PARP9: variants seen among roughly 807,000 people sequenced by gnomAD.
PARP9 encodes protein mono-ADP-ribosyltransferase PARP9.
PARP9 carries 48 observed loss-of-function variants against 68.8 expected under a neutral mutation model. The observed-to-expected ratio is 0.70, with a 90% CI of 0.55 to 0.89. The LOEUF (loss-of-function observed/expected upper bound fraction) is 0.89. Ranked by LOEUF, PARP9 falls within the 40% of genes least tolerant of loss-of-function variation. PARP9 has a pLI of 0.00. For synonymous variants in PARP9, 309 were observed against 333.8 expected, an observed-to-expected ratio of 0.93 and a Z score of 0.81; for missense variants, 806 against 969.3, an observed-to-expected ratio of 0.83 and a Z score of 2.24.
In PARP9 at chr3:122,528,283, C is replaced by T. The variant is rs983950700; in HGVS notation, c.*81G>A. ...GATAACCCATGGGATATATTCAAGC[C>T]ACTCTTTGAGCCATCGATGGTCATT... On this transcript the variant is annotated 3_prime_UTR_variant, in exon 11 of 11. Transcript: ENST00000682323. 3.3e-6 allele frequency: 5 copies of T among 1,520,138 alleles called. No homozygotes were observed. Among genetic ancestry groups the T allele is most frequent in the Non-Finnish European group, 4.4e-6 (5 of 1,123,880 alleles). The allele number at this position is 1,520,138 out of a possible 1,614,324, so 94.2% of individuals were successfully genotyped here.
rs915550043 is a variant in PARP9 at position 122,554,784 on chromosome 3, C to T, written c.885+502G>A. On this transcript the variant is annotated intron_variant, in intron 4 of 10. Coordinates refer to ENST00000682323, the MANE Select transcript of PARP9 (RefSeq NM_001146105.2). The stretch of plus-strand genomic sequence containing the variant: ...TCAAAGTCTTGCTCTGTTGCCCTGG[C>T]AGGAATCACTGCAGCCTTGAACTCA... 2.0e-5 allele frequency among the ~76,000 whole-genome samples: 3 copies of T among 152,106 alleles called. 1 individual carries two copies. The highest frequency in any genetic ancestry group is 4.4e-5 in the Non-Finnish European group (3 of 68,012).
chr3:122,557,284 T>C (rs2079777281), intron 3 of PARP9, among the ~76,000 whole-genome samples: 1 of 151,158 alleles, frequency 6.6e-6, no homozygotes, highest in South Asian at 2.1e-4. Flanking sequence ...GGCAGTTCCC[T>C]GGTGAGGAGG....
At chr3:122,538,659 C>CAT (rs1491092405) in intron 8 of PARP9, among the ~76,000 whole-genome samples, 122 of 18,484 alleles carry the variant, frequency 6.6e-3, no homozygotes, top group African/African-American at 0.015. Flanking sequence ...AAAGCAATGC[C>CAT]ACACACACAC....
intron 6 of PARP9, among the ~76,000 whole-genome samples, chr3:122,547,013 TACACACACACAC>T (rs1383480849): frequency 3.3e-5 from 2 of 61,400 alleles, no homozygotes; most frequent in Admixed American, 3.4e-4. Context: ...TATATATATA[TACACACACACAC>T]ATACACACAC....
chr3:122,546,817 C>T (rs1184890700), intron 6 of PARP9, among the ~76,000 whole-genome samples: 1 of 151,396 alleles, frequency 6.6e-6, no homozygotes. Context: ...CTTGGTTTGG[C>T]CATGTAACTA....
intron 1 of PARP9, among the ~76,000 whole-genome samples, chr3:122,560,310 G>T (rs925719906): frequency 6.6e-6 from 1 of 152,200 alleles, no homozygotes; most frequent in African/African-American, 2.4e-5. Flanking sequence ...GAAGACTGAT[G>T]ATGAAAATGC....
intron 5 of PARP9, 39 bp downstream of exon 5, chr3:122,552,379 C>T (rs765339822): frequency 3.5e-6 from 5 of 1,431,832 alleles, no homozygotes; most frequent in Admixed American, 1.7e-5. Context: ...ACTGTATAGA[C>T]TATGGAGCTA....
intron 4 of PARP9, among the ~76,000 whole-genome samples, chr3:122,553,993 T>C (rs1576429848): frequency 6.6e-6 from 1 of 152,046 alleles, no homozygotes; most frequent in Non-Finnish European, 1.5e-5. Context: ...CCTGACTCCT[T>C]CCCCTTCCCT....
intron 1 of PARP9, among the ~76,000 whole-genome samples, chr3:122,563,134 T>C (rs2080382965): frequency 6.6e-6 from 1 of 152,202 alleles, no homozygotes; most frequent in Admixed American, 6.5e-5. Flanking sequence ...CACACGGTTG[T>C]CAGCACCATA....
intron 7 of PARP9, among the ~76,000 whole-genome samples, chr3:122,542,256 A>G (rs1576400726): frequency 1.2e-5 from 1 of 81,080 alleles, no homozygotes; most frequent in South Asian, 3.9e-4. Context: ...TTCTACTACT[A>G]CTTTTTTTTT....
At chr3:122,559,826 C>T (rs2080033558) in intron 1 of PARP9, 117 bp from the exon 2 acceptor site, 1 of 436,526 alleles carries the variant, frequency 2.3e-6, no homozygotes, top group Admixed American at 4.3e-5. Flanking sequence ...TCTTAATTTC[C>T]TTGATAACGA....
intron 10 of PARP9, chr3:122,533,706 A>G: frequency 1.0e-6 from 1 of 985,434 alleles, no homozygotes; most frequent in South Asian, 4.7e-5. Flanking sequence ...CCAGTAAGAA[A>G]CTGCATGTGT....
intron 9 of PARP9, 103 bp downstream of exon 9, chr3:122,536,831 A>G: frequency 7.4e-7 from 1 of 1,352,918 alleles, no homozygotes; most frequent in Non-Finnish European, 1.0e-6. Flanking sequence ...CAAGTCCATG[A>G]GCAGCCAGCT....
intron 7 of PARP9, among the ~76,000 whole-genome samples, chr3:122,544,588 A>G (rs1031431228): frequency 2.0e-5 from 3 of 152,168 alleles, no homozygotes; most frequent in Non-Finnish European, 4.4e-5. Flanking sequence ...AGGTGGAGGC[A>G]GGCAGATCAC....
chr3:122,546,211 G>A (rs183981455), intron 6 of PARP9, among the ~76,000 whole-genome samples: 85 of 152,298 alleles, frequency 5.6e-4, no homozygotes, highest in African/African-American at 2.0e-3. Context: ...CTTTATTGAT[G>A]GTGCAGAAGT....
chr3:122,557,242 G>A (rs1388051872), intron 3 of PARP9, among the ~76,000 whole-genome samples: 1 of 152,102 alleles, frequency 6.6e-6, no homozygotes, highest in Non-Finnish European at 1.5e-5. Context: ...CACCATGCCT[G>A]GCCTACCCAA....
chr3:122,540,432 G>A, intron 8 of PARP9, 40 bp downstream of exon 8: 4 of 1,600,530 alleles, frequency 2.5e-6, no homozygotes, highest in Non-Finnish European at 3.4e-6. Context: ...AAGAAACAAT[G>A]GGGAGAATTT....
chr3:122,563,616 C>T (rs1441473855), intron 1 of PARP9, among the ~76,000 whole-genome samples: 1 of 152,120 alleles, frequency 6.6e-6, no homozygotes, highest in Non-Finnish European at 1.5e-5. Context: ...CCTCCTTCAT[C>T]CCCTCACCCA....
chr3:122,545,115 G>C (rs2078597696), intron 7 of PARP9, among the ~76,000 whole-genome samples: 2 of 152,164 alleles, frequency 1.3e-5, no homozygotes, highest in South Asian at 4.1e-4. Flanking sequence ...AGAGCAGAAA[G>C]AGTGACTGAA....
Sources: gnomAD v4.1 joint callset for allele counts (sites outside exome capture counted in the v4.1 genomes callset) on GRCh38, gnomAD v4.1.1 for gene constraint, MANE v1.5 for transcripts, NCBI Gene and HGNC (gene_info 2026-07-23, HGNC 2026-07-21) for gene names.